The following IMPG1 variants were observed in gnomAD, a reference collection of about 807,000 sequenced individuals.
IMPG1 encodes the protein interphotoreceptor matrix proteoglycan of 150 kDa.
Under a neutral mutation model 92.0 loss-of-function variants are expected in IMPG1, and 85 were observed. The observed-to-expected ratio is 0.92, with a 90% CI of 0.78 to 1.11. IMPG1 has a LOEUF of 1.11. Ranked by LOEUF, IMPG1 falls within the 50% of genes least tolerant of loss-of-function variation. The probability of loss-of-function intolerance (pLI) is 0.00; values close to 1 mark genes in which losing one functional copy is unlikely to be tolerated. For missense variants in IMPG1, 1,022 were observed against 956.0 expected (o/e 1.07, Z -0.91); for synonymous variants, 367 against 334.1 (o/e 1.10, Z -1.08).
At chr6:76,032,291 C>T (rs1310094880) in intron 4 of IMPG1, among the ~76,000 whole-genome samples, 1 of 104,838 alleles carries the variant, frequency 9.5e-6, no homozygotes, top group Non-Finnish European at 1.9e-5. Flanking sequence ...TGGATGGACC[C>T]TGCGTTGCTT....
At chr6:75,955,415 G>A (rs552560585) in intron 12 of IMPG1, among the ~76,000 whole-genome samples, 10 of 152,114 alleles carry the variant, frequency 6.6e-5, no homozygotes, top group Non-Finnish European at 1.5e-4. Flanking sequence ...CTCTCTGTTT[G>A]TCTATTATTG....
At chr6:76,054,681 C>T (rs1784091956) in intron 1 of IMPG1, among the ~76,000 whole-genome samples, 1 of 152,076 alleles carries the variant, frequency 6.6e-6, no homozygotes. Context: ...TCATCTGCTG[C>T]TTTCTGTGTG....
chr6:75,946,510 C>T (rs1462011977), intron 14 of IMPG1, among the ~76,000 whole-genome samples: 1 of 152,076 alleles, frequency 6.6e-6, no homozygotes, highest in African/African-American at 2.4e-5. Context: ...TGACTTTTAC[C>T]CCAGGGAATA....
intron 12 of IMPG1, among the ~76,000 whole-genome samples, chr6:76,002,088 TC>T (rs1420710836): frequency 6.6e-6 from 1 of 152,168 alleles, no homozygotes; most frequent in East Asian, 1.9e-4. Flanking sequence ...ATTGCAAATC[TC>T]CAATGGCATT....
chr6:76,046,251 C>T (rs185227954), intron 1 of IMPG1, among the ~76,000 whole-genome samples: 11 of 151,806 alleles, frequency 7.2e-5, no homozygotes, highest in Non-Finnish European at 1.0e-4. Flanking sequence ...TTCTAAAAAG[C>T]GTATTGGAGT....
chr6:75,956,103 T>C (rs1782115502), intron 12 of IMPG1, among the ~76,000 whole-genome samples: 1 of 152,198 alleles, frequency 6.6e-6, no homozygotes. Context: ...AGGATGATGC[T>C]AGCCTCATAA....
intron 4 of IMPG1, among the ~76,000 whole-genome samples, chr6:76,034,100 A>C (rs1783695165): frequency 6.6e-6 from 1 of 152,212 alleles, no homozygotes; most frequent in Non-Finnish European, 1.5e-5. Flanking sequence ...AAACAATGCA[A>C]ATGTCTATCT....
chr6:76,005,561 C>T, intron 9 of IMPG1, 27 bp from the exon 10 acceptor site: 2 of 1,607,240 alleles, frequency 1.2e-6, no homozygotes, highest in Non-Finnish European at 1.7e-6. Flanking sequence ...ACACATTCCC[C>T]ACCCAAAGCC....
At position 76,041,966 on chromosome 6, in the gene IMPG1, C is replaced by G. The variant is rs372049150; in HGVS notation, c.228G>C (p.Thr76=). 4 of 1,613,848 alleles carry G rather than the reference C, an allele frequency of 2.5e-6. No homozygotes were observed. The African/African-American group carries it at 5.3e-5, about 22-fold the overall frequency. The part of the protein sequence containing the change: ...HRTKRSAFFP[T]GVKVCPQESM... ...ATTCCTGTGGACAGACTTTAACCCC[C>G]GTTGGGAAAAATGCGGATCTTTTTG... The change falls in exon 2 of 17, where the codon ACG becomes ACC. Residue 76 remains threonine, a synonymous_variant. Coordinates refer to ENST00000369950, the MANE Select transcript of IMPG1 (RefSeq NM_001563.4).
intron 10 of IMPG1, 105 bp downstream of exon 10, chr6:76,005,182 G>A (rs1306124734): frequency 2.7e-6 from 3 of 1,131,870 alleles, no homozygotes; most frequent in Middle Eastern, 2.0e-4. Flanking sequence ...AGTAATGATC[G>A]ACTTTAGAAG....
At chr6:76,001,191 T>A (rs1168929667) in intron 12 of IMPG1, among the ~76,000 whole-genome samples, 1 of 152,236 alleles carries the variant, frequency 6.6e-6, no homozygotes, top group African/African-American at 2.4e-5. Flanking sequence ...AATGCTTTCA[T>A]CATAGATATA....
At chr6:76,036,309 G>A (rs1402731493) in intron 2 of IMPG1, among the ~76,000 whole-genome samples, 1 of 152,212 alleles carries the variant, frequency 6.6e-6, no homozygotes, top group Non-Finnish European at 1.5e-5. Flanking sequence ...AGAGGCAGAA[G>A]CTAAGGAAGC....
chr6:75,953,568 C>G (rs532045635), intron 12 of IMPG1, among the ~76,000 whole-genome samples: 5 of 151,758 alleles, frequency 3.3e-5, no homozygotes, highest in South Asian at 4.2e-4. Context: ...CATCCATGTC[C>G]CAGCAAATGA....
intron 12 of IMPG1, among the ~76,000 whole-genome samples, chr6:75,970,851 TTCTA>T (rs1782400787): frequency 6.6e-6 from 1 of 152,222 alleles, no homozygotes; most frequent in South Asian, 2.1e-4. Context: ...CGACACATTC[TTCTA>T]TCTATTAATA....
chr6:75,959,196 A>C (rs1230443287), intron 12 of IMPG1, among the ~76,000 whole-genome samples: 2 of 152,034 alleles, frequency 1.3e-5, no homozygotes, highest in African/African-American at 4.8e-5. Flanking sequence ...TTTCCTGGGT[A>C]TCACCAGAAC....
chr6:76,009,030 G>A (rs1783142430), intron 8 of IMPG1, among the ~76,000 whole-genome samples: 1 of 152,182 alleles, frequency 6.6e-6, no homozygotes, highest in Admixed American at 6.5e-5. Flanking sequence ...ATGCACCCAT[G>A]TTGTTGTGTA....
chr6:76,006,157 A>T (rs538830004), intron 9 of IMPG1, among the ~76,000 whole-genome samples: 8 of 152,108 alleles, frequency 5.3e-5, no homozygotes, highest in Non-Finnish European at 1.2e-4. Context: ...GCTTTTTGTC[A>T]AAAAAGTTGC....
chr6:75,986,316 A>G (rs534421441), intron 12 of IMPG1, among the ~76,000 whole-genome samples: 1 of 152,310 alleles, frequency 6.6e-6, no homozygotes, highest in African/African-American at 2.4e-5. Flanking sequence ...AAGAAGAAAG[A>G]GAGTCAGGCA....
intron 15 of IMPG1, among the ~76,000 whole-genome samples, chr6:75,929,974 T>A (rs1252358429): frequency 6.6e-6 from 1 of 152,122 alleles, no homozygotes; most frequent in Non-Finnish European, 1.5e-5. Context: ...AATGTATGAG[T>A]TTGTGTTTGA....
Sources: gnomAD v4.1 joint callset for allele counts (sites outside exome capture counted in the v4.1 genomes callset) on GRCh38, gnomAD v4.1.1 for gene constraint, MANE v1.5 for transcripts, NCBI Gene and HGNC (gene_info 2026-07-23, HGNC 2026-07-21) for gene names.